Variants in MYCBP2 observed in about 807,000 individuals in gnomAD.
MYCBP2 encodes MYC binding protein 2.
MYCBP2 carries 120 observed loss-of-function variants against 525.3 expected under a neutral mutation model. That is an observed-to-expected ratio of 0.23 (90% CI 0.20 to 0.27). The LOEUF is 0.27. MYCBP2 is among the 10% of genes least tolerant of loss of function. MYCBP2 has a pLI of 1.00. For missense variants in MYCBP2, 4,149 were observed against 5,657.1 expected (o/e 0.73, Z 8.55); for synonymous variants, 1,894 against 1,955.8 (o/e 0.97, Z 0.83).
chr13:77,080,801 G>C (rs184747109), intron 65 of MYCBP2: 1 of 152,330 alleles, frequency 6.6e-6, no homozygotes, highest in East Asian at 1.9e-4. Context: ...AATTAGCCAA[G>C]CATGGTGGCG....
chr13:77,087,737 T>C (rs940122536), intron 61 of MYCBP2, 104 bp from the exon 62 acceptor site: 8 of 980,700 alleles, frequency 8.2e-6, no homozygotes, highest in African/African-American at 6.6e-5. Context: ...AGAAAGATAC[T>C]AGAAAATCTT....
At position 77,271,328 on chromosome 13, in the gene MYCBP2, C is replaced by T. The variant is rs188192941; in HGVS notation, c.946-790G>A. ...CAGAAAGCCTTTGAAGTCAAGAGTT[C>T]AACCCTCCAGAAAGGATTTCAGTGT... On this transcript the variant is annotated intron_variant, in intron 5 of 82. Coordinates refer to ENST00000544440, the MANE Select transcript of MYCBP2 (RefSeq NM_015057.5). 2.0e-5 allele frequency among the ~76,000 whole-genome samples: 3 copies of T among 152,264 alleles called. No individual in the cohort carries two copies. The East Asian group carries it at 5.8e-4, about 29-fold the overall frequency.
chr13:77,315,912 A>T (rs1333019822), intron 1 of MYCBP2, among the ~76,000 whole-genome samples: 2 of 151,100 alleles, frequency 1.3e-5, no homozygotes, highest in Admixed American at 1.3e-4. Flanking sequence ...AAAAAAAAAA[A>T]AATTAAAATA....
chr13:77,103,777 G>A (rs1185756422), intron 55 of MYCBP2, among the ~76,000 whole-genome samples: 1 of 151,908 alleles, frequency 6.6e-6, no homozygotes, highest in Non-Finnish European at 1.5e-5. Flanking sequence ...TTTCCAGTAT[G>A]TATCTCAGAA....
chr13:77,283,325 G>A (rs1000689649), intron 3 of MYCBP2, among the ~76,000 whole-genome samples: 12 of 151,970 alleles, frequency 7.9e-5, no homozygotes, highest in African/African-American at 2.4e-4. Context: ...TTTCTCTAAC[G>A]TGTTCCACTA....
At chr13:77,111,426 A>G (rs1216209524) in intron 55 of MYCBP2, among the ~76,000 whole-genome samples, 1 of 148,324 alleles carries the variant, frequency 6.7e-6, no homozygotes, top group African/African-American at 2.5e-5. Flanking sequence ...TTTAATCAGC[A>G]TGTCACTTCC....
chr13:77,169,469 T>C, intron 39 of MYCBP2, 145 bp downstream of exon 39: 1 of 643,068 alleles, frequency 1.6e-6, no homozygotes, highest in Non-Finnish European at 2.7e-6. Flanking sequence ...GAGAGAAGTT[T>C]AATAATTAGC....
At position 77,050,883 on chromosome 13, in the gene MYCBP2, T is replaced by C. The variant is rs368323389; in HGVS notation, c.13921+114A>G. The C allele has an allele frequency of 9.4e-5, 85 of 906,514 alleles. 1 individual carries two copies. The South Asian group carries it at 1.2e-3, about 12-fold the overall frequency. 56.2% of individuals were successfully genotyped at this position (906,514 alleles called of 1,614,324 possible). ...AGGATCAAGGAATTCCTCCTGCTTC[T>C]TTAGGCTAGTTTGAATTGAGTTTCT... On this transcript the variant is annotated intron_variant, in intron 82 of 82. Coordinates refer to ENST00000544440, the MANE Select transcript of MYCBP2 (RefSeq NM_015057.5).
In MYCBP2 at chr13:77,166,403, T is replaced by C. The variant is rs1459605813; in HGVS notation, c.6266A>G (p.Asn2089Ser). Residue 2089 changes from asparagine to serine, a missense_variant, in exon 41 of 83, where the codon AAT (asparagine) becomes AGT (serine). Transcript: ENST00000544440. ...YGPKLTSVHE[N>S]LNSWIELKKF... is the part of the protein sequence containing the mutation. ...CTTTAATTCTATCCATGAATTAAGATTTTCATGAACAGATGTCAATTTTGG... is the reference window on the plus strand; with the variant it reads ...CTTTAATTCTATCCATGAATTAAGACTTTCATGAACAGATGTCAATTTTGG... 3 of 1,613,888 alleles carry C rather than the reference T, an allele frequency of 1.9e-6. No individual in the cohort carries two copies. In the East Asian group the frequency reaches 6.7e-5, roughly 36 times the overall value.
chr13:77,120,638 T>C (rs1243735274), intron 55 of MYCBP2, among the ~76,000 whole-genome samples: 1 of 152,160 alleles, frequency 6.6e-6, no homozygotes, highest in Non-Finnish European at 1.5e-5. Flanking sequence ...TGAAGGAGTC[T>C]AGATCAGGTA....
intron 76 of MYCBP2, among the ~76,000 whole-genome samples, chr13:77,060,561 T>C (rs925433845): frequency 1.8e-4 from 27 of 152,246 alleles, no homozygotes; most frequent in African/African-American, 6.0e-4. Context: ...ACTAGGAATA[T>C]ACAAGATTTA....
At chr13:77,063,941 C>T (rs2039781024) in intron 73 of MYCBP2, among the ~76,000 whole-genome samples, 1 of 152,136 alleles carries the variant, frequency 6.6e-6, no homozygotes, top group Non-Finnish European at 1.5e-5. Flanking sequence ...AGTTTATCTT[C>T]TTCAGATTTC....
intron 32 of MYCBP2, among the ~76,000 whole-genome samples, chr13:77,183,623 C>G (rs1041879676): frequency 8.0e-6 from 1 of 125,212 alleles, no homozygotes; most frequent in Non-Finnish European, 1.6e-5. Flanking sequence ...ACAATCTTGC[C>G]TCAATGCAAC....
chr13:77,198,386 G>T (rs2061996099), intron 26 of MYCBP2, among the ~76,000 whole-genome samples: 1 of 152,076 alleles, frequency 6.6e-6, no homozygotes, highest in Admixed American at 6.5e-5. Context: ...GCCTCCATGG[G>T]GAATGTCCTT....
At chr13:77,147,138 C>T (rs1362506926) in intron 47 of MYCBP2, among the ~76,000 whole-genome samples, 2 of 151,980 alleles carry the variant, frequency 1.3e-5, no homozygotes, top group Non-Finnish European at 2.9e-5. Flanking sequence ...ATTTTATAAA[C>T]TTCTGGAAAA....
chr13:77,240,603 A>G (rs1222426746), intron 17 of MYCBP2, among the ~76,000 whole-genome samples: 9 of 152,094 alleles, frequency 5.9e-5, no homozygotes, highest in Admixed American at 5.9e-4. Context: ...GTGAGACTTC[A>G]TCTCAAAATA....
At chr13:77,233,872 G>C (rs572888955) in intron 17 of MYCBP2, among the ~76,000 whole-genome samples, 2 of 146,418 alleles carry the variant, frequency 1.4e-5, no homozygotes, top group Non-Finnish European at 3.0e-5. Flanking sequence ...GAGAGAGAGA[G>C]AGAACGAGAG....
chr13:77,092,455 T>A (rs1362618159), intron 59 of MYCBP2: 1 of 152,078 alleles, frequency 6.6e-6, no homozygotes, highest in Non-Finnish European at 1.5e-5. Context: ...GTACTCTATT[T>A]TTTTTTTTCC....
Position 77,260,538 on chromosome 13 carries a change from T to C in MYCBP2, c.1907A>G (p.Glu636Gly). ...GGCTGTATATACCACAATCTTTCCT[T>C]CCATCTTAATTATCTTTTTAGGTTT... ...PYKPKKIIKMEGKIVVYTACN... is the reference protein window; with the variant it reads ...PYKPKKIIKMGGKIVVYTACN... The change falls in exon 13 of 83, where the codon GAA becomes GGA. Residue 636 changes from glutamate to glycine, a missense_variant. Transcript: ENST00000544440. The C allele has an allele frequency of 6.2e-7, 1 of 1,610,496 alleles. No individual in the cohort carries two copies. Among genetic ancestry groups the C allele is most frequent in the South Asian group, 1.1e-5 (1 of 90,010 alleles).
Sources: gnomAD v4.1 joint callset for allele counts (sites outside exome capture counted in the v4.1 genomes callset) on GRCh38, gnomAD v4.1.1 for gene constraint, MANE v1.5 for transcripts, NCBI Gene and HGNC (gene_info 2026-07-23, HGNC 2026-07-21) for gene names.